Variants in TPTE2 observed in about 807,000 individuals in gnomAD.
TPTE2 encodes the protein phosphatidylinositol 3,4,5-trisphosphate 3-phosphatase TPTE2.
In TPTE2, 53 loss-of-function variants were observed where a neutral mutation model predicts 78.6. That is an observed-to-expected ratio of 0.67 (90% CI 0.54 to 0.85). The LOEUF (loss-of-function observed/expected upper bound fraction) is 0.85. Among genes scored for constraint, TPTE2 ranks in the 40% least tolerant of loss-of-function variants. The pLI is 0.00. For missense variants in TPTE2, 461 were observed against 623.0 expected (o/e 0.74, Z 2.77); for synonymous variants, 175 against 206.2 (o/e 0.85, Z 1.30).
At chr13:19,463,159 T>A (rs1009781061) in intron 10 of TPTE2, among the ~76,000 whole-genome samples, 1 of 151,834 alleles carries the variant, frequency 6.6e-6, no homozygotes, top group African/African-American at 2.4e-5. Context: ...AATTTTTGTA[T>A]TTTTTAGAGA....
chr13:19,548,076 C>T, the TPTE2 span, among the ~76,000 whole-genome samples: 2 of 152,018 alleles, frequency 1.3e-5, no homozygotes, highest in Admixed American at 6.6e-5. Flanking sequence ...AATAAGGTGA[C>T]AGGTTAATTG....
At chr13:19,443,397 C>CTTTTTTTTTTTTTTTTTTTT (rs71092357) in intron 13 of TPTE2, among the ~76,000 whole-genome samples, 9 of 129,902 alleles carry the variant, frequency 6.9e-5, no homozygotes, top group East Asian at 2.3e-4. Context: ...TTCTTTCTTT[C>CTTTTTTTTTTTTTTTTTTTT]TTTTTTTTTT....
chr13:19,487,098 C>T (rs944863999), intron 3 of TPTE2, among the ~76,000 whole-genome samples: 1 of 152,164 alleles, frequency 6.6e-6, no homozygotes, highest in African/African-American at 2.4e-5. Flanking sequence ...TGCACAGCTG[C>T]TTAGTTGGCC....
chr13:19,435,661 C>A (rs1031451601), intron 15 of TPTE2, among the ~76,000 whole-genome samples: 1 of 151,884 alleles, frequency 6.6e-6, no homozygotes, highest in African/African-American at 2.4e-5. Flanking sequence ...TGTAAAAGTG[C>A]AATACTGTCT....
intron 13 of TPTE2, among the ~76,000 whole-genome samples, chr13:19,441,354 C>T (rs1422859132): frequency 1.3e-5 from 2 of 151,872 alleles, no homozygotes; most frequent in Admixed American, 6.6e-5. Flanking sequence ...ACTCACACCC[C>T]AAACCTCAGC....
chr13:19,433,150 C>T (rs1876800088), intron 15 of TPTE2, among the ~76,000 whole-genome samples: 1 of 152,098 alleles, frequency 6.6e-6, no homozygotes, highest in Admixed American at 6.5e-5. Flanking sequence ...TTCACAACGG[C>T]TCTCCCCTGA....
chr13:19,491,595 G>A (rs1018375082), intron 3 of TPTE2, among the ~76,000 whole-genome samples: 3 of 152,122 alleles, frequency 2.0e-5, no homozygotes, highest in Non-Finnish European at 4.4e-5. Flanking sequence ...GGAGGCTAAG[G>A]CGGGTGGATC....
chr13:19,560,483 C>T, the TPTE2 span: 2 of 1,596,276 alleles, frequency 1.3e-6, no homozygotes, highest in Non-Finnish European at 8.6e-7. Context: ...GGCACCAGCA[C>T]CTCCATTCAT....
At chr13:19,544,060 CAAAAAA>C in the TPTE2 span, among the ~76,000 whole-genome samples, 4 of 31,984 alleles carry the variant, frequency 1.3e-4, no homozygotes, top group Non-Finnish European at 2.0e-4. Context: ...GAACCTGTCT[CAAAAAA>C]AAAAAAAAAA....
At chr13:19,469,607 CT>C (rs1879485121) in intron 6 of TPTE2, among the ~76,000 whole-genome samples, 1 of 152,076 alleles carries the variant, frequency 6.6e-6, no homozygotes, top group African/African-American at 2.4e-5. Flanking sequence ...CTGTAAATTG[CT>C]TTGGATAGTA....
At chr13:19,437,090 T>C (rs1255137378) in intron 14 of TPTE2, among the ~76,000 whole-genome samples, 2 of 151,730 alleles carry the variant, frequency 1.3e-5, no homozygotes, top group African/African-American at 4.8e-5. Context: ...AACCTTTTGA[T>C]ATTTTCTATT....
intron 6 of TPTE2, among the ~76,000 whole-genome samples, chr13:19,472,084 T>C (rs1056479675): frequency 5.9e-5 from 9 of 152,362 alleles, no homozygotes; most frequent in Non-Finnish European, 1.0e-4. Context: ...TTTCTCTTGC[T>C]GCTTTTAAGA....
At chr13:19,442,363 A>C (rs1877553800) in intron 13 of TPTE2, among the ~76,000 whole-genome samples, 1 of 151,972 alleles carries the variant, frequency 6.6e-6, no homozygotes, top group African/African-American at 2.4e-5. Context: ...CAAAGTTGGA[A>C]CATAGTTTGA....
chr13:19,431,299 T>C (rs149769909), intron 16 of TPTE2, among the ~76,000 whole-genome samples: 2,512 of 152,250 alleles, frequency 0.016, 33 homozygotes, highest in Middle Eastern at 0.044. Flanking sequence ...ATGCAATCTC[T>C]ATAAAAATAT....
At chr13:19,534,855 C>A (rs1030827504) in intron 1 of TPTE2, among the ~76,000 whole-genome samples, 2 of 152,138 alleles carry the variant, frequency 1.3e-5, no homozygotes, top group Non-Finnish European at 2.9e-5. Flanking sequence ...AAGCTGACTA[C>A]TTAAGCAAGT....
chr13:19,460,579 T>C lies in TPTE2; in HGVS notation c.741+3877A>G, dbSNP rs934761418. 1.5e-4 allele frequency among the ~76,000 whole-genome samples: 23 copies of C among 152,130 alleles called. 1 individual carries two copies. Among genetic ancestry groups the C allele is most frequent in the African/African-American group, 5.3e-4 (22 of 41,418 alleles). Reference sequence around the variant, plus strand: ...TAGCCCTTGGTTTATCACCAGTTTCTTGACAAAATAATCCATCCATGTTCT... The same window carrying C: ...TAGCCCTTGGTTTATCACCAGTTTCCTGACAAAATAATCCATCCATGTTCT... On this transcript the variant is annotated intron_variant, in intron 10 of 19. Transcript: ENST00000400230.
intron 1 of TPTE2, among the ~76,000 whole-genome samples, chr13:19,534,059 G>C (rs747882382): frequency 6.6e-6 from 1 of 152,160 alleles, no homozygotes; most frequent in Non-Finnish European, 1.5e-5. Context: ...TATTAGGAAG[G>C]GAAAATATTG....
rs1411645036 is a variant in TPTE2 at position 19,423,259 on chromosome 13, A to AG, written c.1467-96_1467-95insC. The AG allele has an allele frequency of 5.5e-6, 5 of 915,178 alleles. No homozygotes were observed. The African/African-American group carries it at 8.6e-5, about 16-fold the overall frequency. The allele number at this position is 915,178 out of a possible 1,614,324, so 56.7% of individuals were successfully genotyped here. A position where few individuals can be genotyped will look rare whatever the true frequency, so the allele number is the denominator to read the frequency against. ...CGTTAGAGCTGGAAGAAACAAAAAA[A>AG]AACCTCACCATGAATAGAACCCCAG... On this transcript the variant is annotated intron_variant, in intron 19 of 19. Transcript: ENST00000400230.
chr13:19,436,145 G>A (rs892350009), intron 15 of TPTE2, 81 bp downstream of exon 18: 11 of 1,194,116 alleles, frequency 9.2e-6, no homozygotes, highest in African/African-American at 7.6e-5. Context: ...AAGGAGAAGA[G>A]TCTAAAATGA....
Sources: gnomAD v4.1 joint callset for allele counts (sites outside exome capture counted in the v4.1 genomes callset) on GRCh38, gnomAD v4.1.1 for gene constraint, MANE v1.5 for transcripts, NCBI Gene and HGNC (gene_info 2026-07-23, HGNC 2026-07-21) for gene names.